C19orf44: variants seen among roughly 807,000 people sequenced by gnomAD.
C19orf44 encodes the protein chromosome 19 open reading frame 44.
A neutral mutation model predicts 50.7 loss-of-function variants in C19orf44; 43 were observed. The ratio of observed to expected loss-of-function variants is 0.85; its 90% CI spans 0.66 to 1.09. C19orf44 has a LOEUF of 1.09. Among genes scored for constraint, C19orf44 ranks in the 50% least tolerant of loss-of-function variants. The probability of loss-of-function intolerance (pLI) is 0.00; values close to 1 mark genes in which losing one functional copy is unlikely to be tolerated. For synonymous variants in C19orf44, 298 were observed against 334.7 expected (o/e 0.89, Z 1.20); for missense variants, 722 against 836.2 (o/e 0.86, Z 1.68).
At position 16,514,615 on chromosome 19, in the gene C19orf44, C is replaced by T. The variant is rs752330666; in HGVS notation, c.1854C>T (p.Ser618=). Residue 618 remains serine (S), a synonymous_variant, in exon 7 of 9, where the codon TCC becomes TCT. Transcript: ENST00000221671. ...ACCTGCACGCCTCCCTCCTGCGCTCCCTGGACGCGGACTCCTTCCACTACC... is the reference window on the plus strand; with the variant it reads ...ACCTGCACGCCTCCCTCCTGCGCTCTCTGGACGCGGACTCCTTCCACTACC... ...SRHLHASLLR[S]LDADSFHYHT... The T allele has an allele frequency of 5.6e-6, 9 of 1,596,056 alleles. No homozygotes were observed. The highest frequency in any genetic ancestry group is 6.0e-6 in the Non-Finnish European group (7 of 1,172,530).
Position 16,519,409 on chromosome 19 carries a change from G to A in C19orf44, c.*41-685G>A, listed in dbSNP as rs536193270. 36 of 1,538,182 alleles carry A rather than the reference G, an allele frequency of 2.3e-5. No individual in the cohort carries two copies. Among genetic ancestry groups the A allele is most frequent in the Admixed American group, 9.0e-5 (5 of 55,396 alleles). ...AAGGCGGAGGCAGATGGGGGTGCAC[G>A]TGGGGGGCTGAATGTCCAGACAGGC... On this transcript the variant is annotated intron_variant, in intron 8 of 8. Transcript: ENST00000221671. The surrounding 1 kb of genome is among the most constrained non-coding windows in gnomAD (Gnocchi z 6.0).
intron 3 of C19orf44, among the ~76,000 whole-genome samples, chr19:16,504,473 C>G (rs1033339645): frequency 5.9e-5 from 9 of 152,174 alleles, no homozygotes; most frequent in African/African-American, 1.7e-4. Flanking sequence ...TCTTTCCCCC[C>G]AGCTGGCTGG....
intron 2 of C19orf44, 78 bp from the exon 3 acceptor site, chr19:16,502,986 CA>C (rs61130725): frequency 0.31 from 358,369 of 1,150,656 alleles, 22,018 homozygotes; most frequent in African/African-American, 0.56. Context: ...GACCCTTTCT[CA>C]AAAAAAAAAA....
intron 5 of C19orf44, among the ~76,000 whole-genome samples, chr19:16,511,881 G>A (rs2093458147): frequency 6.6e-6 from 1 of 152,032 alleles, no homozygotes; most frequent in Admixed American, 6.6e-5. Context: ...CTGGTGTGGT[G>A]GCACGCATCT....
rs542460648 is a variant in C19orf44 at position 16,518,751 on chromosome 19, G to A, written c.*41-1343G>A. 4.1e-5 allele frequency: 9 copies of A among 222,158 alleles called. No individual in the cohort carries two copies. In the East Asian group the frequency reaches 1.3e-3, roughly 32 times the overall value. 13.8% of individuals were successfully genotyped at this position (222,158 alleles called of 1,614,324 possible). On this transcript the variant is annotated intron_variant, in intron 8 of 8. Coordinates refer to ENST00000221671, the MANE Select transcript of C19orf44 (RefSeq NM_032207.4). ...CGGGGAGCTGGAGGAAGGAGCTGGG[G>A]TGCCGGCTCTGGCTCAGGCCAACCC...
Position 16,513,051 on chromosome 19 carries a change from C to T in C19orf44, c.1677C>T (p.Gly559=), listed in dbSNP as rs760942975. The T allele has an allele frequency of 1.2e-5, 20 of 1,613,632 alleles. No homozygotes were observed. The Admixed American group carries it at 1.3e-4, about 11-fold the overall frequency. The part of the protein sequence containing the change: ...SMAAMGPALG[G]AYVDPTPIAN... ...CAGCCATGGGGCCTGCCCTGGGAGG[C>T]GCCTACGTGGACCCGACACCCATCG... The change falls in exon 6 of 9, where the codon GGC becomes GGT. Residue 559 remains glycine (G), a synonymous_variant. Coordinates refer to ENST00000221671, the MANE Select transcript of C19orf44 (RefSeq NM_032207.4).
chr19:16,519,990 C>G lies in C19orf44; in HGVS notation c.*41-104C>G. The G allele has an allele frequency of 1.2e-6, 1 of 803,168 alleles. No individual in the cohort carries two copies. Among genetic ancestry groups the G allele is most frequent in the Non-Finnish European group, 2.0e-6 (1 of 497,788 alleles). 49.8% of individuals were successfully genotyped at this position (803,168 alleles called of 1,614,324 possible). A position where few individuals can be genotyped will look rare whatever the true frequency, so the allele number is the denominator to read the frequency against. On this transcript the variant is annotated intron_variant, in intron 8 of 8. Coordinates refer to ENST00000221671, the MANE Select transcript of C19orf44 (RefSeq NM_032207.4). This position sits in a 1 kb window ranked among gnomAD's most constrained non-coding sequence, Gnocchi z 6.0. ...CCCCAGTTACTGCCTCAGGCTTCGCCAAGTGGCTACTGTGGTGAAGGGTGA... is the reference window on the plus strand; with the variant it reads ...CCCCAGTTACTGCCTCAGGCTTCGCGAAGTGGCTACTGTGGTGAAGGGTGA...
At chr19:16,509,425 T>C (rs1456794126) in intron 4 of C19orf44, 74 bp from the exon 5 acceptor site, 2 of 1,512,702 alleles carry the variant, frequency 1.3e-6, no homozygotes, top group Admixed American at 4.5e-5. Context: ...CCCCAGCTCC[T>C]AGGAGTGCAG....
chr19:16,514,332 T>C (rs2093465594), intron 6 of C19orf44, among the ~76,000 whole-genome samples, 165 bp from the exon 7 acceptor site: 1 of 150,238 alleles, frequency 6.7e-6, no homozygotes, highest in African/African-American at 2.5e-5. Flanking sequence ...TGCAGTGCGC[T>C]GTGATGGCAC....
chr19:16,519,162 C>T lies in C19orf44; in HGVS notation c.*41-932C>T. 2 of 1,612,908 alleles carry T rather than the reference C, an allele frequency of 1.2e-6. No homozygotes were observed. The highest frequency in any genetic ancestry group is 1.1e-5 in the South Asian group (1 of 90,920). On this transcript the variant is annotated intron_variant, in intron 8 of 8. Coordinates refer to ENST00000221671, the MANE Select transcript of C19orf44 (RefSeq NM_032207.4). This position sits in a 1 kb window ranked among gnomAD's most constrained non-coding sequence, Gnocchi z 6.0. ...GCGCGGCTCCCGGCATGGGCGCCTA[C>T]TTACACTCGTCCCTGGCCTTCATGC...
chr19:16,497,351 C>CGTT (rs2093412427), intron 1 of C19orf44, among the ~76,000 whole-genome samples: 1 of 43,554 alleles, frequency 2.3e-5, no homozygotes, highest in South Asian at 1.0e-3. Context: ...TTTTTTCTTT[C>CGTT]CTTTTTTTTT....
chr19:16,516,235 T>C (rs2093471318), intron 7 of C19orf44, among the ~76,000 whole-genome samples: 2 of 152,070 alleles, frequency 1.3e-5, no homozygotes, highest in Non-Finnish European at 2.9e-5. Flanking sequence ...CAGGAGTTCA[T>C]GACCAGCCTG....
chr19:16,519,593 C>A lies in C19orf44; in HGVS notation c.*41-501C>A. 8 of 1,580,796 alleles carry A rather than the reference C, an allele frequency of 5.1e-6. No homozygotes were observed. Among genetic ancestry groups the A allele is most frequent in the Non-Finnish European group, 7.0e-6 (8 of 1,149,836 alleles). Reference sequence around the variant, plus strand: ...GGCCCAGCACGCGTGAGGACCCATCCCGCGCCCTCCCCATTCCCTCGCCTT... The same window carrying A: ...GGCCCAGCACGCGTGAGGACCCATCACGCGCCCTCCCCATTCCCTCGCCTT... On this transcript the variant is annotated intron_variant, in intron 8 of 8. Coordinates refer to ENST00000221671, the MANE Select transcript of C19orf44 (RefSeq NM_032207.4). This position sits in a 1 kb window ranked among gnomAD's most constrained non-coding sequence, Gnocchi z 6.0.
chr19:16,500,207 G>A (rs1052928196), intron 1 of C19orf44, among the ~76,000 whole-genome samples: 5 of 152,106 alleles, frequency 3.3e-5, no homozygotes. Flanking sequence ...GGCATTATAG[G>A]TGTGAGCCAC....
rs747386583 is a variant in C19orf44, at chr19:16,520,282, C to T, written c.*229C>T. 1.2e-6 allele frequency: 2 copies of T among 1,613,216 alleles called. No individual in the cohort carries two copies. The highest frequency in any genetic ancestry group is 1.7e-5 in the Admixed American group (1 of 59,972). On this transcript the variant is annotated 3_prime_UTR_variant, in exon 9 of 9. Transcript: ENST00000221671. The surrounding 1 kb of genome is among the most constrained non-coding windows in gnomAD (Gnocchi z 4.0). Reference sequence around the variant, plus strand: ...CTCCGACTTCTGCAGGGAAGGGTGCCCAAGGGTCAGCAGCAGCCAGGCGTC... The same window carrying T: ...CTCCGACTTCTGCAGGGAAGGGTGCTCAAGGGTCAGCAGCAGCCAGGCGTC...
chr19:16,497,969 T>C (rs1278081162), intron 1 of C19orf44, among the ~76,000 whole-genome samples: 2 of 151,964 alleles, frequency 1.3e-5, no homozygotes, highest in Non-Finnish European at 2.9e-5. Context: ...TAGCTAGGCA[T>C]GGCAATGTGT....
At position 16,517,281 on chromosome 19, in the gene C19orf44, G is replaced by C; in HGVS notation, c.1954G>C (p.Glu652Gln). The change falls in exon 8 of 9, where the codon GAG becomes CAG. Residue 652 changes from glutamate to glutamine, a missense_variant. Glu to Gln is a conservative substitution (Grantham distance 29). Coordinates refer to ENST00000221671, the MANE Select transcript of C19orf44 (RefSeq NM_032207.4). ...ACTGACCATGGAGGATGCCCTGGAG[G>C]AGGTGAACAAGGAGCTGTGAGCGCC... ...APLTMEDALE[E>Q]VNKEL 1 of 1,614,154 alleles carries C rather than the reference G, an allele frequency of 6.2e-7. No individual in the cohort carries two copies.
chr19:16,518,779 C>T (rs1555779873), intron 8 of C19orf44: 1 of 251,444 alleles, frequency 4.0e-6, no homozygotes, highest in Non-Finnish European at 7.7e-6. Context: ...GCCAACCCTT[C>T]CTGCACATGC....
At position 16,517,297 on chromosome 19, in the gene C19orf44, T is replaced by A. The variant is rs759322870; in HGVS notation, c.1970T>A (p.Leu657Gln). ...EDALEEVNKE[L>Q] ...GCCCTGGAGGAGGTGAACAAGGAGC[T>A]GTGAGCGCCAGCAGGTGGAGCTTGA... The change falls in exon 8 of 9, where the codon CTG becomes CAG. Residue 657 changes from leucine to glutamine, a missense_variant. Coordinates refer to ENST00000221671, the MANE Select transcript of C19orf44 (RefSeq NM_032207.4). The A allele has an allele frequency of 6.2e-7, 1 of 1,613,912 alleles. No homozygotes were observed. The highest frequency in any genetic ancestry group is 1.3e-5 in the African/African-American group (1 of 74,930).
Sources: gnomAD v4.1 joint callset for allele counts (sites outside exome capture counted in the v4.1 genomes callset) on GRCh38, gnomAD v4.1.1 for gene constraint, Gnocchi (gnomAD v3.1) non-coding constraint, MANE v1.5 for transcripts, NCBI Gene and HGNC (gene_info 2026-07-23, HGNC 2026-07-21) for gene names.